HDAC9: variants seen among roughly 807,000 people sequenced by gnomAD.
HDAC9 encodes the protein MEF-2 interacting transcription repressor (MITR) protein.
A neutral mutation model predicts 139.4 loss-of-function variants in HDAC9; 41 were observed. The ratio of observed to expected loss-of-function variants is 0.29; its 90% CI spans 0.23 to 0.38. The LOEUF (loss-of-function observed/expected upper bound fraction) is 0.38. Among genes scored for constraint, HDAC9 ranks in the 10% least tolerant of loss-of-function variants. The pLI is 1.00. For synonymous variants in HDAC9, 517 were observed against 476.2 expected (o/e 1.09, Z -1.12); for missense variants, 1,147 against 1,297.0 (o/e 0.88, Z 1.78).
intron 11 of HDAC9, among the ~76,000 whole-genome samples, chr7:18,664,820 A>T (rs1263585977): frequency 6.6e-6 from 1 of 152,184 alleles, no homozygotes; most frequent in African/African-American, 2.4e-5. Flanking sequence ...ACTTGAAAAT[A>T]GGAATAAGTA....
At chr7:18,404,400 TAGA>T (rs1047727321) in intron 1 of HDAC9, among the ~76,000 whole-genome samples, 3 of 152,150 alleles carry the variant, frequency 2.0e-5, no homozygotes, top group Non-Finnish European at 2.9e-5. Flanking sequence ...AATGTCACAT[TAGA>T]AGAAGGAGAA....
At chr7:18,642,777 A>G (rs1472602602) in intron 8 of HDAC9, among the ~76,000 whole-genome samples, 2 of 151,920 alleles carry the variant, frequency 1.3e-5, no homozygotes, top group African/African-American at 4.8e-5. Context: ...AAGATAATCT[A>G]TTTCTCCTTT....
At chr7:18,396,546 T>C (rs1271349952) in intron 1 of HDAC9, among the ~76,000 whole-genome samples, 3 of 152,172 alleles carry the variant, frequency 2.0e-5, no homozygotes, top group African/African-American at 7.2e-5. Context: ...CATTTTAGGC[T>C]GCTCTTGATT....
chr7:18,812,333 A>C (rs1342099560), intron 17 of HDAC9, among the ~76,000 whole-genome samples: 1 of 151,880 alleles, frequency 6.6e-6, no homozygotes, highest in Non-Finnish European at 1.5e-5. Flanking sequence ...TTCAATCTGA[A>C]GTATTTCTTT....
chr7:18,119,233 A>C (rs1226278284), intron 1 of HDAC9, among the ~76,000 whole-genome samples: 1 of 152,164 alleles, frequency 6.6e-6, no homozygotes, highest in Non-Finnish European at 1.5e-5. Flanking sequence ...AGTCCATTGC[A>C]TGCTCCATGC....
intron 1 of HDAC9, among the ~76,000 whole-genome samples, chr7:18,425,812 C>T (rs1790064530): frequency 6.6e-6 from 1 of 152,176 alleles, no homozygotes; most frequent in Admixed American, 6.5e-5. Flanking sequence ...AACAATATCC[C>T]TGTGATCTAT....
At chr7:18,374,195 G>A (rs1276846894) in intron 1 of HDAC9, among the ~76,000 whole-genome samples, 1 of 136,624 alleles carries the variant, frequency 7.3e-6, no homozygotes, top group Non-Finnish European at 1.5e-5. Context: ...GTGTATGTAT[G>A]TGTGTATATA....
chr7:18,843,872 T>C (rs1796742003), intron 21 of HDAC9, among the ~76,000 whole-genome samples: 1 of 152,164 alleles, frequency 6.6e-6, no homozygotes, highest in Non-Finnish European at 1.5e-5. Flanking sequence ...ATATTGACTT[T>C]CCCACGTGGA....
intron 2 of HDAC9, among the ~76,000 whole-genome samples, chr7:18,581,385 A>G (rs1827781017): frequency 2.6e-5 from 4 of 152,172 alleles, no homozygotes; most frequent in Non-Finnish European, 4.4e-5. Context: ...GAACAAAGGC[A>G]AGCAGTTAGA....
intron 1 of HDAC9, among the ~76,000 whole-genome samples, chr7:18,337,262 G>T (rs1781652120): frequency 6.6e-6 from 1 of 151,494 alleles, no homozygotes; most frequent in Non-Finnish European, 1.5e-5. Flanking sequence ...CTTTCTTCCT[G>T]TCAGCTGTGC....
At chr7:18,690,292 G>A (rs751847486) in intron 12 of HDAC9, among the ~76,000 whole-genome samples, 1 of 152,054 alleles carries the variant, frequency 6.6e-6, no homozygotes, top group Admixed American at 6.6e-5. Context: ...TTGCATTTAT[G>A]AAACTAAAAT....
intron 2 of HDAC9, among the ~76,000 whole-genome samples, chr7:18,196,653 A>C (rs1420636704): frequency 1.3e-5 from 2 of 152,154 alleles, no homozygotes; most frequent in African/African-American, 4.8e-5. Context: ...GTAAGGTGTC[A>C]TTATAAGTTA....
At chr7:18,099,630 A>G (rs1782721268) in intron 1 of HDAC9, among the ~76,000 whole-genome samples, 1 of 152,202 alleles carries the variant, frequency 6.6e-6, no homozygotes, top group Non-Finnish European at 1.5e-5. Flanking sequence ...CAAAAGTATA[A>G]TGCTAAGACT....
At chr7:18,430,214 A>G (rs112982353) in intron 1 of HDAC9, among the ~76,000 whole-genome samples, 15 of 152,186 alleles carry the variant, frequency 9.9e-5, no homozygotes, top group African/African-American at 3.4e-4. Context: ...GTGGACCACA[A>G]CCTACAGTAA....
chr7:18,505,862 TA>T (rs1799623925), intron 2 of HDAC9: 1 of 152,170 alleles, frequency 6.6e-6, no homozygotes, highest in Non-Finnish European at 1.5e-5. Context: ...TTAAATGCAT[TA>T]AAACCTGCAG....
intron 25 of HDAC9, among the ~76,000 whole-genome samples, chr7:18,991,592 G>A (rs58115597): frequency 0.013 from 1,935 of 151,668 alleles, 41 homozygotes; most frequent in African/African-American, 0.041. Flanking sequence ...AGCGGAGATG[G>A]TGCCATTGCA....
intron 2 of HDAC9, among the ~76,000 whole-genome samples, chr7:18,241,773 T>C (rs1435172176): frequency 6.6e-6 from 1 of 152,058 alleles, no homozygotes; most frequent in African/African-American, 2.4e-5. Flanking sequence ...ACGTGGCCAG[T>C]TGAGGTATAT....
intron 11 of HDAC9, among the ~76,000 whole-genome samples, chr7:18,652,854 G>A (rs1222746377): frequency 6.6e-6 from 1 of 152,052 alleles, no homozygotes; most frequent in African/African-American, 2.4e-5. Context: ...AATACTGTGT[G>A]CAGACACAGT....
intron 17 of HDAC9, 95 bp downstream of exon 17, chr7:18,793,547 A>G: frequency 1.2e-6 from 1 of 835,402 alleles, no homozygotes; most frequent in Non-Finnish European, 2.0e-6. Flanking sequence ...TGGCGTGGTA[A>G]TAAAAGGAAG....
Sources: gnomAD v4.1 joint callset for allele counts (sites outside exome capture counted in the v4.1 genomes callset) on GRCh38, gnomAD v4.1.1 for gene constraint, MANE v1.5 for transcripts, NCBI Gene and HGNC (gene_info 2026-07-23, HGNC 2026-07-21) for gene names.